The following CNTLN variants were observed in gnomAD, a reference collection of about 807,000 sequenced individuals.
CNTLN encodes centlein, centrosomal protein.
In CNTLN, 212 loss-of-function variants were observed where a neutral mutation model predicts 180.0. That is an observed-to-expected ratio of 1.18 (90% CI 1.05 to 1.32). The LOEUF (loss-of-function observed/expected upper bound fraction) is 1.32. Ranked by LOEUF, CNTLN falls within the 40% of genes most tolerant of loss-of-function variation. The pLI is 0.00. For synonymous variants in CNTLN, 722 were observed against 563.1 expected (o/e 1.28, Z -3.99); for missense variants, 2,095 against 1,610.9 (o/e 1.30, Z -5.14).
chr9:17,393,860 A>C (rs779180446), intron 14 of CNTLN, among the ~76,000 whole-genome samples: 1 of 152,142 alleles, frequency 6.6e-6, no homozygotes, highest in Non-Finnish European at 1.5e-5. Flanking sequence ...GGTCTTTTCA[A>C]ATAATTTTGA....
intron 2 of CNTLN, among the ~76,000 whole-genome samples, chr9:17,217,582 T>C (rs941431627): frequency 1.3e-5 from 2 of 152,222 alleles, no homozygotes; most frequent in African/African-American, 4.8e-5. Context: ...ACCCTGGTGA[T>C]GTGCAGATGT....
At chr9:17,249,918 C>G (rs969220268) in intron 5 of CNTLN, among the ~76,000 whole-genome samples, 1 of 147,250 alleles carries the variant, frequency 6.8e-6, no homozygotes, top group Non-Finnish European at 1.5e-5. Flanking sequence ...TTGTTTAAGC[C>G]ATCTTTATCC....
At chr9:17,250,853 A>C (rs1208409173) in intron 5 of CNTLN, among the ~76,000 whole-genome samples, 1 of 151,972 alleles carries the variant, frequency 6.6e-6, no homozygotes, top group Non-Finnish European at 1.5e-5. Context: ...AGAAGTCTTT[A>C]TTTCTTCATA....
chr9:17,330,715 A>G lies in CNTLN; in HGVS notation c.1425A>G (p.Leu475=), dbSNP rs774141444. ...AAATTGAGTATTTACAGGAGAAACT[A>G]AAGATAGCAAATGAAAAACTGTCAG... ...KSEIEYLQEK[L]KIANEKLSEN... is the part of the protein sequence containing the mutation. The change falls in exon 9 of 26, where the codon CTA becomes CTG. Residue 475 remains leucine, a synonymous_variant. Transcript: ENST00000380647. 1.9e-6 allele frequency: 3 copies of G among 1,612,234 alleles called. No individual in the cohort carries two copies. The highest frequency in any genetic ancestry group is 1.7e-5 in the Admixed American group (1 of 59,912).
At chr9:17,247,132 G>T (rs1200088386) in intron 5 of CNTLN, among the ~76,000 whole-genome samples, 1 of 152,056 alleles carries the variant, frequency 6.6e-6, no homozygotes, top group South Asian at 2.1e-4. Flanking sequence ...GTGCTGCCCT[G>T]GGTGGTATTT....
At chr9:17,203,107 G>C (rs1431565079) in intron 2 of CNTLN, among the ~76,000 whole-genome samples, 2 of 152,068 alleles carry the variant, frequency 1.3e-5, no homozygotes, top group Non-Finnish European at 2.9e-5. Context: ...GCTTAGTTTG[G>C]CTGGATATGA....
At chr9:17,505,526 A>G (rs1316164689), downstream of CNTLN, among the ~76,000 whole-genome samples, 2 of 152,184 alleles carry the variant, frequency 1.3e-5, no homozygotes, top group Non-Finnish European at 2.9e-5. Flanking sequence ...TAAAAATACA[A>G]TACAATGTAC....
chr9:17,431,834 A>G (rs1388875538), intron 18 of CNTLN, among the ~76,000 whole-genome samples: 1 of 152,208 alleles, frequency 6.6e-6, no homozygotes, highest in Non-Finnish European at 1.5e-5. Context: ...GAAGGAAGCA[A>G]CACATTTTCT....
chr9:17,263,211 G>T, intron 5 of CNTLN, among the ~76,000 whole-genome samples: 1 of 95,868 alleles, frequency 1.0e-5, no homozygotes, highest in South Asian at 3.4e-4. Flanking sequence ...CCCCACAACA[G>T]TCCCCGGAGT....
At position 17,204,819 on chromosome 9, in the gene CNTLN, G is replaced by T. The variant is rs116950807; in HGVS notation, c.450-21384G>T. Among the ~76,000 whole-genome samples, 66 of 152,320 alleles carry T rather than the reference G, an allele frequency of 4.3e-4. 2 individuals are homozygous for T. In the East Asian group the frequency reaches 0.013, roughly 29 times the overall value. On this transcript the variant is annotated intron_variant, in intron 2 of 25. Transcript: ENST00000380647. The stretch of plus-strand genomic sequence containing the variant: ...CCCTCCCCCCAGGTGCTCTGTTGCA[G>T]GGAGATGAGAGTTTTATCTGTAATC...
At chr9:17,478,970 GA>G (rs998218353) in intron 23 of CNTLN, among the ~76,000 whole-genome samples, 3 of 152,146 alleles carry the variant, frequency 2.0e-5, no homozygotes, top group Non-Finnish European at 2.9e-5. Context: ...ACTTATCAGG[GA>G]AATGCGAATC....
At chr9:17,406,078 C>G (rs1265658513) in intron 15 of CNTLN, among the ~76,000 whole-genome samples, 1 of 151,814 alleles carries the variant, frequency 6.6e-6, no homozygotes, top group Non-Finnish European at 1.5e-5. Context: ...CTTTACCCCA[C>G]CAAGCCTATT....
Position 17,394,823 on chromosome 9 carries a change from A to C in CNTLN, c.2369A>C (p.Glu790Ala). ...AATGCATTGAGAAATGAAAATGAAG[A>C]GCTGATCAACCCAATGGAGAAATCA... The part of the protein sequence containing the change: ...EANALRNENE[E>A]LINPMEKSHQ... Residue 790 changes from glutamate to alanine, a missense_variant, in exon 15 of 26, where the codon GAG becomes GCG. Glu to Ala is a moderately radical substitution (Grantham distance 107). Transcript: ENST00000380647. 6.2e-7 allele frequency: 1 copy of C among 1,614,012 alleles called. No individual in the cohort carries two copies. Among genetic ancestry groups the C allele is most frequent in the Non-Finnish European group, 8.5e-7 (1 of 1,179,988 alleles).
At chr9:17,153,868 C>G (rs1337442952) in intron 2 of CNTLN, among the ~76,000 whole-genome samples, 2 of 152,126 alleles carry the variant, frequency 1.3e-5, no homozygotes, top group Non-Finnish European at 2.9e-5. Flanking sequence ...ATTCTTTTTT[C>G]TCTAATCTTG....
chr9:17,457,849 C>G (rs548760019), intron 19 of CNTLN, 134 bp downstream of exon 19: 157 of 526,864 alleles, frequency 3.0e-4, no homozygotes, highest in Admixed American at 6.5e-4. Flanking sequence ...TTAATATTGC[C>G]TTCATCATTA....
intron 24 of CNTLN, 133 bp downstream of exon 24, chr9:17,484,613 C>A: frequency 7.4e-6 from 5 of 675,898 alleles, no homozygotes; most frequent in South Asian, 2.8e-5. Context: ...GGTTAAAGTG[C>A]CAATGAAAGA....
chr9:17,488,821 G>A (rs777162416), intron 25 of CNTLN, among the ~76,000 whole-genome samples: 2 of 152,042 alleles, frequency 1.3e-5, no homozygotes, highest in Non-Finnish European at 2.9e-5. Flanking sequence ...AGGTTTATTT[G>A]TGGACTCCTA....
intron 13 of CNTLN, among the ~76,000 whole-genome samples, chr9:17,377,011 T>C (rs1050591772): frequency 6.6e-6 from 1 of 152,150 alleles, no homozygotes; most frequent in Non-Finnish European, 1.5e-5. Flanking sequence ...AAACCCAGAA[T>C]TTTTACAAAA....
At chr9:17,256,846 G>C (rs946278283) in intron 5 of CNTLN, among the ~76,000 whole-genome samples, 6 of 151,714 alleles carry the variant, frequency 4.0e-5, no homozygotes, top group Admixed American at 2.6e-4. Flanking sequence ...TTTTTTGGAA[G>C]GTCAAATAAT....
Sources: allele counts gnomAD v4.1 joint callset (sites outside exome capture counted in the v4.1 genomes callset), GRCh38; gene constraint gnomAD v4.1.1; transcripts MANE v1.5; gene names NCBI Gene and HGNC (gene_info 2026-07-23, HGNC 2026-07-21).